ZNF783: variants seen among roughly 807,000 people sequenced by gnomAD.
The protein encoded by ZNF783 is protein ZNF783.
ZNF783 carries 25 observed loss-of-function variants against 31.3 expected under a neutral mutation model. The ratio of observed to expected loss-of-function variants is 0.80; its 90% CI spans 0.58 to 1.11. ZNF783 has a LOEUF of 1.11. ZNF783 is among the 50% of genes most tolerant of loss of function. ZNF783 has a pLI of 0.00. For synonymous variants in ZNF783, 369 were observed against 319.1 expected (o/e 1.16, Z -1.66); for missense variants, 797 against 760.0 (o/e 1.05, Z -0.57).
At chr7:149,270,502 C>G (rs2129524893) in intron 4 of ZNF783, among the ~76,000 whole-genome samples, 1 of 152,318 alleles carries the variant, frequency 6.6e-6, no homozygotes, top group South Asian at 2.1e-4. Flanking sequence ...GAGTTGCTGC[C>G]TTAGTAGCCT....
intron 5 of ZNF783, among the ~76,000 whole-genome samples, chr7:149,280,246 C>G (rs73162535): frequency 1.3e-5 from 2 of 152,084 alleles, no homozygotes; most frequent in African/African-American, 4.8e-5. Flanking sequence ...CCTCACCTCC[C>G]GGAGCACCAG....
In ZNF783 at chr7:149,266,545, G is replaced by T. The variant is rs1344549959; in HGVS notation, c.235G>T (p.Ala79Ser). The change falls in exon 2 of 6, where the codon GCC becomes TCC. Residue 79 changes from alanine to serine, a missense_variant. Physicochemically the swap from Ala to Ser is moderately conservative, Grantham distance 99 (BLOSUM62 1). Transcript: ENST00000434415. ...CACGGGGACAGCCGAGAAGAAGCTG[G>T]CCGACTGCGAGAAGACAGCTGTGGA... ...GRTGTAEKKL[A>S]DCEKTAVEFG... is the part of the protein sequence containing the mutation. The T allele has an allele frequency of 3.1e-6, 5 of 1,614,194 alleles. No homozygotes were observed. Among genetic ancestry groups the T allele is most frequent in the Non-Finnish European group, 3.4e-6 (4 of 1,180,036 alleles).
chr7:149,276,469 G>A (rs1044644131), intron 4 of ZNF783: 4 of 985,690 alleles, frequency 4.1e-6, no homozygotes, highest in Non-Finnish European at 4.8e-6. Flanking sequence ...AGTGTAACCC[G>A]TTGGTTTATA....
At chr7:149,276,004 C>T (rs1387363226) in intron 4 of ZNF783, among the ~76,000 whole-genome samples, 1 of 152,180 alleles carries the variant, frequency 6.6e-6, no homozygotes, top group Admixed American at 6.5e-5. Context: ...ATCCTCCCAC[C>T]TCAGCCCCCT....
Position 149,267,179 on chromosome 7 carries a change from G to A in ZNF783, c.630G>A (p.Lys210=). ...GTCTTGACCGGTGGGGCCAGGAGAA[G>A]GGGAATGAAGTAGAGGTGGGACGTC... is the stretch of plus-strand genomic sequence containing the variant. ...EPCLDRWGQE[K]GNEVEVGRPR... is the part of the protein sequence containing the mutation. The change falls in exon 4 of 6, where the codon AAG becomes AAA. Residue 210 remains lysine (K), a synonymous_variant. Coordinates refer to ENST00000434415, the MANE Select transcript of ZNF783 (RefSeq NM_001195220.2). 6.3e-7 allele frequency: 1 copy of A among 1,599,188 alleles called. No individual in the cohort carries two copies. Among genetic ancestry groups the A allele is most frequent in the Non-Finnish European group, 8.5e-7 (1 of 1,179,660 alleles).
intron 4 of ZNF783, chr7:149,276,296 C>T: frequency 1.0e-6 from 1 of 970,684 alleles, no homozygotes; most frequent in South Asian, 4.8e-5. Flanking sequence ...CAGTCACCAC[C>T]TTGTGATGCT....
intron 5 of ZNF783, among the ~76,000 whole-genome samples, chr7:149,279,631 T>C (rs1797412719): frequency 7.3e-6 from 1 of 136,206 alleles, no homozygotes; most frequent in Non-Finnish European, 1.6e-5. Flanking sequence ...ATTTTATCTT[T>C]GTTTTTTTTT....
Position 149,282,064 on chromosome 7 carries a change from C to A in ZNF783, c.1362C>A (p.His454Gln). 2 of 1,595,332 alleles carry A rather than the reference C, an allele frequency of 1.3e-6. No homozygotes were observed. The highest frequency in any genetic ancestry group is 1.7e-6 in the Non-Finnish European group (2 of 1,178,436). The part of the protein sequence containing the change: ...FFQQRKSLLL[H>Q]QRLHTGNGQG... Reference sequence around the variant, plus strand: ...AGCAGCGCAAGAGCCTGCTGCTGCACCAGCGCCTGCACACCGGCAATGGCC... The same window carrying A: ...AGCAGCGCAAGAGCCTGCTGCTGCAACAGCGCCTGCACACCGGCAATGGCC... Residue 454 changes from histidine (H) to glutamine (Q), a missense_variant, in exon 6 of 6, where the codon CAC becomes CAA. Coordinates refer to ENST00000434415, the MANE Select transcript of ZNF783 (RefSeq NM_001195220.2).
chr7:149,277,567 G>A (rs1292729134), intron 4 of ZNF783, among the ~76,000 whole-genome samples: 12 of 151,998 alleles, frequency 7.9e-5, no homozygotes, highest in Middle Eastern at 3.4e-3. Context: ...GTGGAACCCC[G>A]TCTCTACTTA....
Position 149,281,938 on chromosome 7 carries a change from G to A in ZNF783, c.1236G>A (p.Glu412=). ...CTGTCATCCGCTGGCTCCCCGAGGA[G>A]CCTGAGGGTCGCCGCTCCGTGGCAG... The part of the protein sequence containing the change: ...PGPVIRWLPE[E]PEGRRSVAGG... Residue 412 remains glutamate, a synonymous_variant, in exon 6 of 6, where the codon GAG becomes GAA. Transcript: ENST00000434415. The A allele has an allele frequency of 6.4e-7, 1 of 1,553,918 alleles. No individual in the cohort carries two copies. The highest frequency in any genetic ancestry group is 1.7e-4 in the Middle Eastern group (1 of 5,780).
intron 5 of ZNF783, 138 bp from the exon 6 acceptor site, chr7:149,281,367 G>A: frequency 1.6e-6 from 1 of 620,510 alleles, no homozygotes; most frequent in Non-Finnish European, 2.4e-6. Context: ...GGCTCAGTGA[G>A]CAGGACCCCT....
In ZNF783 at chr7:149,282,171, G is replaced by T; in HGVS notation, c.1469G>T (p.Gly490Val). The T allele has an allele frequency of 6.2e-7, 1 of 1,601,058 alleles. No homozygotes were observed. The part of the protein sequence containing the change: ...DLFRHQRIHT[G>V]ERPYQCPQCG... Reference sequence around the variant, plus strand: ...TTCCGGCACCAGCGCATCCACACCGGTGAGCGGCCCTACCAGTGCCCCCAG... The same window carrying T: ...TTCCGGCACCAGCGCATCCACACCGTTGAGCGGCCCTACCAGTGCCCCCAG... Residue 490 changes from glycine (G) to valine (V), a missense_variant, in exon 6 of 6, where the codon GGT (glycine) becomes GTT (valine). Transcript: ENST00000434415.
rs1797475530 is a variant in ZNF783 at position 149,281,781 on chromosome 7, T to G, written c.1079T>G (p.Leu360Arg). Residue 360 changes from leucine to arginine, a missense_variant, in exon 6 of 6, where the codon CTG (leucine) becomes CGG (arginine). By Grantham distance (102) the Leu-to-Arg change is moderately radical. Transcript: ENST00000434415. ...CCCGACTGCGGGCAGAGCTTCCGCCTGAAGATCAATCTGACGATTCATCAG... is the reference window on the plus strand; with the variant it reads ...CCCGACTGCGGGCAGAGCTTCCGCCGGAAGATCAATCTGACGATTCATCAG... ...PCPDCGQSFRLKINLTIHQRT... is the reference protein window; with the variant it reads ...PCPDCGQSFRRKINLTIHQRT... 3 of 1,511,934 alleles carry G rather than the reference T, an allele frequency of 2.0e-6. No homozygotes were observed. Among genetic ancestry groups the G allele is most frequent in the Non-Finnish European group, 2.6e-6 (3 of 1,139,638 alleles). The allele number at this position is 1,511,934 out of a possible 1,614,324, so 93.7% of individuals were successfully genotyped here. A position where few individuals can be genotyped will look rare whatever the true frequency, so the allele number is the denominator to read the frequency against.
At chr7:149,279,546 C>T (rs1438786546) in intron 5 of ZNF783, among the ~76,000 whole-genome samples, 1 of 151,334 alleles carries the variant, frequency 6.6e-6, no homozygotes, top group Non-Finnish European at 1.5e-5. Flanking sequence ...CGCTGCAAGC[C>T]GCGGGTGTCC....
At chr7:149,265,350 G>C (rs546198171) in intron 1 of ZNF783, among the ~76,000 whole-genome samples, 2 of 148,748 alleles carry the variant, frequency 1.3e-5, no homozygotes, top group South Asian at 4.2e-4. Flanking sequence ...AAAAGAGGTG[G>C]AGGTTAAAAA....
intron 4 of ZNF783, among the ~76,000 whole-genome samples, chr7:149,273,983 G>T (rs1797267494): frequency 6.6e-6 from 1 of 152,164 alleles, no homozygotes; most frequent in Non-Finnish European, 1.5e-5. Context: ...TCCCTTGTCA[G>T]ATGGATAATT....
At chr7:149,281,442 C>G in intron 5 of ZNF783, 63 bp from the exon 6 acceptor site, 1 of 1,378,676 alleles carries the variant, frequency 7.3e-7, no homozygotes, top group South Asian at 1.7e-5. Context: ...AGGACTGGGC[C>G]GAGTGACCTG....
chr7:149,279,855 C>T (rs1417446644), intron 5 of ZNF783, among the ~76,000 whole-genome samples: 1 of 151,884 alleles, frequency 6.6e-6, no homozygotes, highest in Non-Finnish European at 1.5e-5. Context: ...TGAAAAGTCT[C>T]CCATGTCTAC....
chr7:149,269,967 A>G (rs934700250), intron 4 of ZNF783, among the ~76,000 whole-genome samples: 2 of 152,012 alleles, frequency 1.3e-5, no homozygotes, highest in Non-Finnish European at 2.9e-5. Context: ...GATGGTTTCC[A>G]GCTTCATCCG....
Sources: gnomAD v4.1 joint callset for allele counts (sites outside exome capture counted in the v4.1 genomes callset) on GRCh38, gnomAD v4.1.1 for gene constraint, MANE v1.5 for transcripts, NCBI Gene and HGNC (gene_info 2026-07-23, HGNC 2026-07-21) for gene names.